The following CACNA1B variants were observed in gnomAD, a reference collection of about 807,000 sequenced individuals.
CACNA1B encodes calcium voltage-gated channel subunit alpha1 B.
CACNA1B carries 70 observed loss-of-function variants against 247.2 expected under a neutral mutation model. The observed-to-expected ratio is 0.28, with a 90% CI of 0.23 to 0.35. CACNA1B has a LOEUF of 0.35. Ranked by LOEUF, CACNA1B falls within the 10% of genes least tolerant of loss-of-function variation. The pLI is 1.00. For synonymous variants in CACNA1B, 1,231 were observed against 1,294.4 expected (o/e 0.95, Z 1.05); for missense variants, 2,367 against 3,197.4 (o/e 0.74, Z 6.26).
At chr9:137,949,295 T>TGTGTGTGTTGTATG (rs1957848849) in intron 6 of CACNA1B, among the ~76,000 whole-genome samples, 1 of 6,028 alleles carries the variant, frequency 1.7e-4, no homozygotes, top group African/African-American at 6.3e-4. Context: ...TGCGTGTCCT[T>TGTGTGTGTTGTATG]TGTGTCTGGT....
rs978028446 is a variant in CACNA1B at position 137,891,737 on chromosome 9, G to A, written c.530+8854G>A. 1.9e-4 allele frequency: 54 copies of A among 287,384 alleles called. No homozygotes were observed. The highest frequency in any genetic ancestry group is 3.3e-4 in the Non-Finnish European group (49 of 147,196). The allele number at this position is 287,384 out of a possible 1,614,324, so 17.8% of individuals were successfully genotyped here. On this transcript the variant is annotated intron_variant, in intron 3 of 46. Transcript: ENST00000371372. The surrounding 1 kb of genome is among the most constrained non-coding windows in gnomAD (Gnocchi z 4.3). ...AGAAGAGGTGAGAAGGCAGGTGCTG[G>A]CTGTGGGGCTGTAGAGTGGAGGGGC...
At chr9:138,076,833 G>A (rs891361275) in intron 35 of CACNA1B, among the ~76,000 whole-genome samples, 1 of 152,208 alleles carries the variant, frequency 6.6e-6, no homozygotes, top group Non-Finnish European at 1.5e-5. Flanking sequence ...GATGCGCGCT[G>A]GGGCGAGCTC....
In CACNA1B at chr9:138,050,905, G is replaced by A. The variant is rs1959251733; in HGVS notation, c.3711-1187G>A. Among the ~76,000 whole-genome samples the A allele has an allele frequency of 6.6e-6, 1 of 152,100 alleles. No homozygotes were observed. Among genetic ancestry groups the A allele is most frequent in the Non-Finnish European group, 1.5e-5 (1 of 67,990 alleles). ...GTAGCCTACAGTCAGGGGAGAAGAA[G>A]GGGACCAGGGTGCCTGAGACGTGTA... On this transcript the variant is annotated intron_variant, in intron 24 of 46. Coordinates refer to ENST00000371372, the MANE Select transcript of CACNA1B (RefSeq NM_000718.4). The surrounding 1 kb of genome is among the most constrained non-coding windows in gnomAD (Gnocchi z 5.2).
At position 138,050,600 on chromosome 9, in the gene CACNA1B, G is replaced by A. The variant is rs1045310445; in HGVS notation, c.3710+1285G>A. ...CTTGGGAGTGGGAACACTGCAGCCAGGGGTCCCCCAGTCAGGAGGAGGGGA... is the reference window on the plus strand; with the variant it reads ...CTTGGGAGTGGGAACACTGCAGCCAAGGGTCCCCCAGTCAGGAGGAGGGGA... On this transcript the variant is annotated intron_variant, in intron 24 of 46. Transcript: ENST00000371372. The surrounding 1 kb of genome is among the most constrained non-coding windows in gnomAD (Gnocchi z 5.2). 6.6e-6 allele frequency among the ~76,000 whole-genome samples: 1 copy of A among 152,220 alleles called. No homozygotes were observed. Among genetic ancestry groups the A allele is most frequent in the Admixed American group, 6.5e-5 (1 of 15,290 alleles).
At chr9:137,961,309 G>T (rs1958018950) in intron 10 of CACNA1B, among the ~76,000 whole-genome samples, 1 of 151,936 alleles carries the variant, frequency 6.6e-6, no homozygotes, top group Admixed American at 6.6e-5. Flanking sequence ...TCAGATGATG[G>T]CATCTGCAAA....
chr9:138,008,160 T>C (rs991480413), intron 16 of CACNA1B, among the ~76,000 whole-genome samples: 1 of 152,160 alleles, frequency 6.6e-6, no homozygotes, highest in Non-Finnish European at 1.5e-5. Flanking sequence ...GCCCTGGGGC[T>C]GGCACCGGAG....
chr9:138,024,978 C>T lies in CACNA1B; in HGVS notation c.3092C>T (p.Thr1031Ile), dbSNP rs1422328721. Reference sequence around the variant, plus strand: ...AGGGAGCCACACTGTGACCTGGAGACCAGTGGGACTGTGACTGTGGGTCCC... The same window carrying T: ...AGGGAGCCACACTGTGACCTGGAGATCAGTGGGACTGTGACTGTGGGTCCC... ...QPREPHCDLE[T>I]SGTVTVGPMH... The change falls in exon 20 of 47, where the codon ACC becomes ATC. Residue 1031 changes from threonine (T) to isoleucine (I), a missense_variant. This residue lies in a region of CACNA1B where 631 missense variants were observed against 631.1 expected (regional missense o/e 1.00). Coordinates refer to ENST00000371372, the MANE Select transcript of CACNA1B (RefSeq NM_000718.4). 1 of 1,585,156 alleles carries T rather than the reference C, an allele frequency of 6.3e-7. No individual in the cohort carries two copies. Among genetic ancestry groups the T allele is most frequent in the South Asian group, 1.2e-5 (1 of 86,758 alleles).
chr9:137,882,225 A>G lies in CACNA1B; in HGVS notation c.391-519A>G, dbSNP rs1027475762. Among the ~76,000 whole-genome samples the G allele has an allele frequency of 2.0e-5, 3 of 152,226 alleles. No individual in the cohort carries two copies. Among genetic ancestry groups the G allele is most frequent in the Non-Finnish European group, 4.4e-5 (3 of 68,024 alleles). ...GGCAACCTTGTGCAGGTTCCCACCC[A>G]GAGGCTGCTGTGGCCTCTGCCTGGC... On this transcript the variant is annotated intron_variant, in intron 2 of 46. Transcript: ENST00000371372. The surrounding 1 kb of genome is among the most constrained non-coding windows in gnomAD (Gnocchi z 4.0).
At position 138,052,021 on chromosome 9, in the gene CACNA1B, T is replaced by TG. The variant is rs750668739; in HGVS notation, c.3711-65dup. 38 of 862,270 alleles carry TG rather than the reference T, an allele frequency of 4.4e-5. No homozygotes were observed. Among genetic ancestry groups the TG allele is most frequent in the African/African-American group, 6.6e-5 (4 of 60,364 alleles). 53.4% of individuals were successfully genotyped at this position (862,270 alleles called of 1,614,324 possible). The stretch of plus-strand genomic sequence containing the variant: ...GCACAGGGGAGCAGGACTCAGACCC[T>TG]GGGGGGCCACGTGGGAGCTGGGCAC... On this transcript the variant is annotated intron_variant, in intron 24 of 46. Transcript: ENST00000371372. The surrounding 1 kb of genome is among the most constrained non-coding windows in gnomAD (Gnocchi z 5.1).
chr9:138,000,289 A>G (rs62591434), intron 15 of CACNA1B, among the ~76,000 whole-genome samples: 9,834 of 151,988 alleles, frequency 0.065, 335 homozygotes, highest in South Asian at 0.12. Context: ...TAGTAGAGAC[A>G]GGGTTTCACC....
In CACNA1B at chr9:138,052,690, G is replaced by T. The variant is rs1461747414; in HGVS notation, c.3807+502G>T. ...TAATCTCCCAAACCTTTATGCAGCA[G>T]ATTCTTTTACTGGAAATTCAAGCCA... On this transcript the variant is annotated intron_variant, in intron 25 of 46. Transcript: ENST00000371372. This position sits in a 1 kb window ranked among gnomAD's most constrained non-coding sequence, Gnocchi z 5.1. Among the ~76,000 whole-genome samples the T allele has an allele frequency of 2.0e-5, 3 of 152,248 alleles. No homozygotes were observed. The highest frequency in any genetic ancestry group is 7.2e-5 in the African/African-American group (3 of 41,460).
At chr9:137,940,727 A>G (rs1589020831) in intron 6 of CACNA1B, among the ~76,000 whole-genome samples, 1 of 152,190 alleles carries the variant, frequency 6.6e-6, no homozygotes, top group African/African-American at 2.4e-5. Flanking sequence ...CCATGATCAC[A>G]TGGTTTTCAT....
In CACNA1B at chr9:138,059,367, T is replaced by C. The variant is rs964357465; in HGVS notation, c.4584+178T>C. Among the ~76,000 whole-genome samples the C allele has an allele frequency of 9.9e-5, 15 of 152,136 alleles. No homozygotes were observed. The highest frequency in any genetic ancestry group is 3.2e-3 in the Middle Eastern group (1 of 316). Reference sequence around the variant, plus strand: ...TTCTGAGACTCTTGGCTACATAAGCTCTGCCCCCAGCCTAGGTCCTGGGAG... The same window carrying C: ...TTCTGAGACTCTTGGCTACATAAGCCCTGCCCCCAGCCTAGGTCCTGGGAG... On this transcript the variant is annotated intron_variant, in intron 30 of 46. Transcript: ENST00000371372. This position sits in a 1 kb window ranked among gnomAD's most constrained non-coding sequence, Gnocchi z 4.2.
At chr9:138,115,245 C>A (rs1292854263) in intron 41 of CACNA1B, among the ~76,000 whole-genome samples, 1 of 152,198 alleles carries the variant, frequency 6.6e-6, no homozygotes, top group Non-Finnish European at 1.5e-5. Flanking sequence ...CTGGTCCAAT[C>A]CCCTAGTTGT....
chr9:137,931,482 T>C (rs942987051), intron 6 of CACNA1B, among the ~76,000 whole-genome samples: 4 of 152,144 alleles, frequency 2.6e-5, no homozygotes, highest in African/African-American at 9.7e-5. Context: ...GGTGGAGTTT[T>C]CCTTTTGATT....
At chr9:138,065,086 C>T (rs552221833) in intron 31 of CACNA1B, among the ~76,000 whole-genome samples, 1 of 152,308 alleles carries the variant, frequency 6.6e-6, no homozygotes, top group Non-Finnish European at 1.5e-5. Flanking sequence ...GGGAGTCATC[C>T]CAGCAGCCTG....
Position 137,986,662 on chromosome 9 carries a change from G to A in CACNA1B, c.1901+118G>A, listed in dbSNP as rs1958365623. The A allele has an allele frequency of 2.1e-6, 3 of 1,441,352 alleles. No individual in the cohort carries two copies. The South Asian group carries it at 3.4e-5, about 17-fold the overall frequency. 89.3% of individuals were successfully genotyped at this position (1,441,352 alleles called of 1,614,324 possible). On this transcript the variant is annotated intron_variant, in intron 14 of 46. Coordinates refer to ENST00000371372, the MANE Select transcript of CACNA1B (RefSeq NM_000718.4). The surrounding 1 kb of genome is among the most constrained non-coding windows in gnomAD (Gnocchi z 6.0). Reference sequence around the variant, plus strand: ...CCTTCCCACCAGGAAGGTCCTCAGAGGGGCCAGTGTGCAGCCATCTGCAGC... The same window carrying A: ...CCTTCCCACCAGGAAGGTCCTCAGAAGGGCCAGTGTGCAGCCATCTGCAGC...
At chr9:137,978,156 T>C (rs1418433084) in intron 12 of CACNA1B, among the ~76,000 whole-genome samples, 6 of 75,852 alleles carry the variant, frequency 7.9e-5, no homozygotes, top group South Asian at 5.2e-4. Context: ...GGAGCACTAC[T>C]TCCCCCCCAG....
intron 42 of CACNA1B, 56 bp downstream of exon 42, chr9:138,115,735 G>T: frequency 6.5e-7 from 1 of 1,529,726 alleles, no homozygotes; most frequent in Non-Finnish European, 8.9e-7. Flanking sequence ...AGACAGTAAA[G>T]GGGGAAGCAG....
Sources: gnomAD v4.1 joint callset for allele counts (sites outside exome capture counted in the v4.1 genomes callset) on GRCh38, gnomAD v4.1.1 for gene constraint, gnomAD v4.1.1 regional missense constraint, Gnocchi (gnomAD v3.1) non-coding constraint, MANE v1.5 for transcripts, NCBI Gene and HGNC (gene_info 2026-07-23, HGNC 2026-07-21) for gene names.